The following EPHA3 variants were observed in gnomAD, a reference collection of about 807,000 sequenced individuals.
The protein encoded by EPHA3 is EPH receptor A3.
A neutral mutation model predicts 107.1 loss-of-function variants in EPHA3; 42 were observed. The observed-to-expected ratio is 0.39, with a 90% CI of 0.31 to 0.51. EPHA3 has a LOEUF of 0.51. Ranked by LOEUF, EPHA3 falls within the 20% of genes least tolerant of loss-of-function variation. The pLI is 0.78. For missense variants in EPHA3, 1,183 were observed against 1,211.2 expected (o/e 0.98, Z 0.35); for synonymous variants, 461 against 424.8 (o/e 1.09, Z -1.05).
intron 1 of EPHA3, among the ~76,000 whole-genome samples, chr3:89,111,810 C>A (rs528071275): frequency 6.6e-6 from 1 of 152,156 alleles, no homozygotes; most frequent in East Asian, 1.9e-4. Flanking sequence ...AAGGTTCACT[C>A]GGATACCTCA....
intron 3 of EPHA3, among the ~76,000 whole-genome samples, chr3:89,278,009 T>C (rs1361993384): frequency 6.6e-6 from 1 of 152,184 alleles, no homozygotes; most frequent in East Asian, 1.9e-4. Flanking sequence ...TATTTGATTT[T>C]TTTTGACAAA....
At chr3:89,368,821 A>G (rs1559667757) in intron 5 of EPHA3, among the ~76,000 whole-genome samples, 1 of 148,888 alleles carries the variant, frequency 6.7e-6, no homozygotes, top group African/African-American at 2.5e-5. Context: ...CAGAAAAAAC[A>G]AAAAACAAAA....
chr3:89,264,250 A>G (rs1457744495), intron 3 of EPHA3, among the ~76,000 whole-genome samples: 1 of 152,180 alleles, frequency 6.6e-6, no homozygotes, highest in Admixed American at 6.5e-5. Context: ...TGGGATAAGT[A>G]TAGGATAGGC....
rs747086528 is a variant in EPHA3, at chr3:89,358,416, G to C, written c.1306+16326G>C. On this transcript the variant is annotated intron_variant, in intron 5 of 16. Transcript: ENST00000336596. ...CAATAAATAACACACTCAATTACTT[G>C]CCTTTTTCTGTTCCCAAAGCATTGA... 2.0e-5 allele frequency among the ~76,000 whole-genome samples: 3 copies of C among 150,920 alleles called. 1 individual carries two copies.
chr3:89,293,999 T>A (rs891175665), intron 3 of EPHA3, among the ~76,000 whole-genome samples: 1 of 152,260 alleles, frequency 6.6e-6, no homozygotes, highest in South Asian at 2.1e-4. Context: ...AGTAGTATAC[T>A]TTTTCCATTC....
Position 89,450,166 on chromosome 3 carries a change from T to G in EPHA3, c.2497-11T>G, listed in dbSNP as rs1255557324. The G allele has an allele frequency of 6.5e-7, 1 of 1,549,658 alleles. No individual in the cohort carries two copies. ...ACTTCCTGGTTCCTGAAAACTTTGC[T>G]TCTCACACAGGTAATTAAAGCTGTA... On this transcript the variant is annotated splice_polypyrimidine_tract_variant and intron_variant, in intron 14 of 16. Coordinates refer to ENST00000336596, the MANE Select transcript of EPHA3 (RefSeq NM_005233.6).
Position 89,144,453 on chromosome 3 carries a change from G to A in EPHA3, c.153+17180G>A, listed in dbSNP as rs1160783148. ...ACAAAAGAAGCCTCTGTCCTTGTGT[G>A]CCTTCCATTTTGTACTTATTGAGGT... is the stretch of plus-strand genomic sequence containing the variant. On this transcript the variant is annotated intron_variant, in intron 2 of 16. Transcript: ENST00000336596. Among the ~76,000 whole-genome samples, 7 of 151,744 alleles carry A rather than the reference G, an allele frequency of 4.6e-5. No individual in the cohort carries two copies. In the East Asian group the frequency reaches 1.2e-3, roughly 25 times the overall value.
chr3:89,258,459 G>C (rs993682934), intron 3 of EPHA3, among the ~76,000 whole-genome samples: 5 of 152,134 alleles, frequency 3.3e-5, no homozygotes, highest in Non-Finnish European at 5.9e-5. Flanking sequence ...ATTGTTAGAT[G>C]ACTCGTGTAT....
Position 89,395,927 on chromosome 3 carries a change from T to A in EPHA3, c.1397T>A (p.Ile466Asn), listed in dbSNP as rs1203540302. ...CAAGAACCTGAACATCCTAATGGGATCATATTGGACTACGAGGTCAAATAC... is the reference window on the plus strand; with the variant it reads ...CAAGAACCTGAACATCCTAATGGGAACATATTGGACTACGAGGTCAAATAC... Reference protein sequence around the residue: ...SWQEPEHPNGIILDYEVKYYE... With the variant: ...SWQEPEHPNGNILDYEVKYYE... The change falls in exon 6 of 17, where the codon ATC (isoleucine) becomes AAC (asparagine). Residue 466 changes from isoleucine to asparagine, a missense_variant. Ile to Asn is a moderately radical substitution (Grantham distance 149). Coordinates refer to ENST00000336596, the MANE Select transcript of EPHA3 (RefSeq NM_005233.6). 1 of 1,614,022 alleles carries A rather than the reference T, an allele frequency of 6.2e-7. No homozygotes were observed. The highest frequency in any genetic ancestry group is 8.5e-7 in the Non-Finnish European group (1 of 1,179,952).
At chr3:89,454,021 T>C (rs1576387033) in intron 15 of EPHA3, among the ~76,000 whole-genome samples, 1 of 152,104 alleles carries the variant, frequency 6.6e-6, no homozygotes, top group Non-Finnish European at 1.5e-5. Flanking sequence ...GATGTTCTAT[T>C]ATATTCTTTC....
chr3:89,449,640 AG>A (rs1195526184), intron 14 of EPHA3, among the ~76,000 whole-genome samples: 6 of 152,238 alleles, frequency 3.9e-5, no homozygotes, highest in African/African-American at 1.4e-4. Flanking sequence ...GTGACCAATA[AG>A]ATAACCTCTA....
At chr3:89,131,261 G>A (rs1227320986) in intron 2 of EPHA3, among the ~76,000 whole-genome samples, 1 of 152,118 alleles carries the variant, frequency 6.6e-6, no homozygotes, top group African/African-American at 2.4e-5. Context: ...AACTATGAAT[G>A]ATATGATATT....
At chr3:89,438,915 G>A (rs752786782) in intron 13 of EPHA3, among the ~76,000 whole-genome samples, 6 of 152,186 alleles carry the variant, frequency 3.9e-5, no homozygotes, top group Non-Finnish European at 7.3e-5. Flanking sequence ...ATTTCAGAGA[G>A]ATGAGTAGCA....
rs557882522 is a variant in EPHA3 at position 89,125,649 on chromosome 3, T to C, written c.89-1560T>C. 1.2e-3 allele frequency among the ~76,000 whole-genome samples: 187 copies of C among 151,794 alleles called. 2 individuals carry two copies. The highest frequency in any genetic ancestry group is 2.3e-3 in the Non-Finnish European group (155 of 67,630). ...ATTACTTCTAATTAGGATTAATTTA[T>C]TGGGAAAAAATTCTTTAATCATTAA... On this transcript the variant is annotated intron_variant, in intron 1 of 16. Transcript: ENST00000336596.
intron 15 of EPHA3, among the ~76,000 whole-genome samples, chr3:89,467,241 A>G (rs1710301380): frequency 2.0e-5 from 3 of 152,170 alleles, no homozygotes; most frequent in Admixed American, 1.3e-4. Flanking sequence ...GTACGGAAAA[A>G]ATATATTACT....
chr3:89,461,294 C>T (rs1177639227), intron 15 of EPHA3, among the ~76,000 whole-genome samples: 3 of 101,122 alleles, frequency 3.0e-5, no homozygotes, highest in Admixed American at 2.1e-4. Context: ...CATACGTGTG[C>T]ATGTGTCTTT....
At chr3:89,373,810 T>C (rs1243304648) in intron 5 of EPHA3, among the ~76,000 whole-genome samples, 1 of 151,848 alleles carries the variant, frequency 6.6e-6, no homozygotes, top group Non-Finnish European at 1.5e-5. Flanking sequence ...GTTCAACATA[T>C]TATATTAACA....
intron 14 of EPHA3, 55 bp downstream of exon 14, chr3:89,449,429 A>C: frequency 6.9e-7 from 1 of 1,440,986 alleles, no homozygotes. Context: ...CAAGCTGTGC[A>C]AGGAAGTGGA....
intron 3 of EPHA3, among the ~76,000 whole-genome samples, chr3:89,329,298 A>C (rs1707239635): frequency 1.3e-5 from 2 of 151,800 alleles, no homozygotes; most frequent in African/African-American, 4.8e-5. Context: ...CATCCTCTCC[A>C]CACTTCTAGG....
Sources: gnomAD v4.1 joint callset for allele counts (sites outside exome capture counted in the v4.1 genomes callset) on GRCh38, gnomAD v4.1.1 for gene constraint, MANE v1.5 for transcripts, NCBI Gene and HGNC (gene_info 2026-07-23, HGNC 2026-07-21) for gene names.